KHDRBS1: variants seen among roughly 807,000 people sequenced by gnomAD.
The protein encoded by KHDRBS1 is KH domain-containing, RNA-binding, signal transduction-associated protein 1.
KHDRBS1 carries 7 observed loss-of-function variants against 48.4 expected under a neutral mutation model. The observed-to-expected ratio is 0.14, with a 90% CI of 0.08 to 0.27. The LOEUF (loss-of-function observed/expected upper bound fraction) is 0.27, where lower values mean the gene tolerates loss of function less well. KHDRBS1 is among the 10% of genes least tolerant of loss of function. The pLI is 1.00. For synonymous variants in KHDRBS1, 241 were observed against 235.8 expected (o/e 1.02, Z -0.20); for missense variants, 458 against 601.2 (o/e 0.76, Z 2.49).
chr1:32,046,186 C>CTTT (rs796185962), downstream of KHDRBS1, among the ~76,000 whole-genome samples: 3 of 140,900 alleles, frequency 2.1e-5, no homozygotes, highest in East Asian at 6.2e-4. Flanking sequence ...AAGGGTATTT[C>CTTT]TTTTTTTTTT....
rs568532115 is a variant in KHDRBS1, at chr1:32,014,247, C to T, written c.252C>T (p.Thr84=). The part of the protein sequence containing the change: ...PDATVGGPAP[T]PLLPPSATAS... ...CGACAGTGGGCGGGCCAGCGCCGAC[C>T]CCGCTGCTGCCCCCCTCGGCCACAG... Residue 84 remains threonine, a synonymous_variant, in exon 1 of 9, where the codon ACC becomes ACT. Coordinates refer to ENST00000327300, the MANE Select transcript of KHDRBS1 (RefSeq NM_006559.3). 5.7e-5 allele frequency: 87 copies of T among 1,533,220 alleles called. No homozygotes were observed. Among genetic ancestry groups the T allele is most frequent in the Non-Finnish European group, 7.1e-5 (81 of 1,138,482 alleles). The allele number at this position is 1,533,220 out of a possible 1,614,324, so 95.0% of individuals were successfully genotyped here. A position where few individuals can be genotyped will look rare whatever the true frequency, so the allele number is the denominator to read the frequency against.
chr1:32,027,530 T>C (rs1638999499), intron 1 of KHDRBS1, among the ~76,000 whole-genome samples: 1 of 152,214 alleles, frequency 6.6e-6, no homozygotes, highest in Non-Finnish European at 1.5e-5. Context: ...AAATTTGTTT[T>C]CTATTCCAAG....
At chr1:32,044,969 A>C (rs773241804), downstream of KHDRBS1, among the ~76,000 whole-genome samples, 2 of 152,250 alleles carry the variant, frequency 1.3e-5, no homozygotes, top group Non-Finnish European at 2.9e-5. Flanking sequence ...AAGAAAAACC[A>C]TATGTTGCCG....
At chr1:32,046,469 C>T (rs537456381), downstream of KHDRBS1, among the ~76,000 whole-genome samples, 2 of 152,314 alleles carry the variant, frequency 1.3e-5, no homozygotes, top group African/African-American at 4.8e-5. Flanking sequence ...CCCACCTTGG[C>T]CTCCCAAAGT....
At chr1:32,025,016 C>T (rs1557891587) in intron 1 of KHDRBS1, among the ~76,000 whole-genome samples, 1 of 151,650 alleles carries the variant, frequency 6.6e-6, no homozygotes, top group Non-Finnish European at 1.5e-5. Context: ...GCCTATAATC[C>T]CAGCACTTTG....
intron 1 of KHDRBS1, among the ~76,000 whole-genome samples, chr1:32,019,285 C>T (rs1015093944): frequency 1.3e-5 from 2 of 152,134 alleles, no homozygotes; most frequent in Non-Finnish European, 2.9e-5. Flanking sequence ...CACAGTTTCT[C>T]ACGCCTGTAA....
At chr1:32,026,437 T>G (rs1638972202) in intron 1 of KHDRBS1, among the ~76,000 whole-genome samples, 1 of 152,178 alleles carries the variant, frequency 6.6e-6, no homozygotes, top group African/African-American at 2.4e-5. Context: ...AGATTACAAG[T>G]GTGAGCCACC....
At chr1:32,050,057 C>T (rs766592485) in intron 10 of KHDRBS1, among the ~76,000 whole-genome samples, 2 of 152,176 alleles carry the variant, frequency 1.3e-5, no homozygotes, top group Non-Finnish European at 2.9e-5. Context: ...TCCATATCCT[C>T]ACCAACATTT....
chr1:32,023,728 G>A (rs1458401733), intron 1 of KHDRBS1, among the ~76,000 whole-genome samples: 1 of 152,086 alleles, frequency 6.6e-6, no homozygotes, highest in Admixed American at 6.5e-5. Context: ...GGGAAAGCAA[G>A]GACAAGGAGA....
chr1:32,050,818 C>T (rs1639410368), intron 10 of KHDRBS1, among the ~76,000 whole-genome samples: 1 of 152,060 alleles, frequency 6.6e-6, no homozygotes, highest in South Asian at 2.1e-4. Context: ...CCACACCCAG[C>T]TTTAATTCTT....
chr1:32,036,899 T>G lies in KHDRBS1; in HGVS notation c.772-11T>G. 1.9e-6 allele frequency: 3 copies of G among 1,610,026 alleles called. No individual in the cohort carries two copies. The highest frequency in any genetic ancestry group is 2.5e-6 in the Non-Finnish European group (3 of 1,177,844). ...ATACCACACAATACTCCTTGTATCT[T>G]TCGTTCCCAGGATATGATGGATGAT... On this transcript the variant is annotated splice_polypyrimidine_tract_variant and intron_variant, in intron 4 of 8. Coordinates refer to ENST00000327300, the MANE Select transcript of KHDRBS1 (RefSeq NM_006559.3).
intron 2 of KHDRBS1, 113 bp from the exon 3 acceptor site, chr1:32,031,411 G>C (rs900977113): frequency 7.8e-5 from 51 of 656,338 alleles, no homozygotes; most frequent in Non-Finnish European, 1.3e-4. Flanking sequence ...CAGTAAAATG[G>C]GAATGGTAAT....
Position 32,033,302 on chromosome 1 carries a change from G to A in KHDRBS1, c.739G>A (p.Ala247Thr). 3.1e-6 allele frequency: 5 copies of A among 1,614,144 alleles called. No homozygotes were observed. Among genetic ancestry groups the A allele is most frequent in the Non-Finnish European group, 4.2e-6 (5 of 1,179,990 alleles). ...PCEAYALMAH[A>T]MEEVKKFLVP... ...TGAGGCTTATGCTCTTATGGCCCATGCCATGGAGGAAGTCAAGAAATTTCT... is the reference window on the plus strand; with the variant it reads ...TGAGGCTTATGCTCTTATGGCCCATACCATGGAGGAAGTCAAGAAATTTCT... Residue 247 changes from alanine (A) to threonine (T), a missense_variant, in exon 4 of 9, where the codon GCC (alanine) becomes ACC (threonine). Transcript: ENST00000327300.
At chr1:32,038,670 G>T (rs1639230250) in intron 7 of KHDRBS1, 51 bp downstream of exon 7, 2 of 1,545,374 alleles carry the variant, frequency 1.3e-6, no homozygotes, top group South Asian at 2.2e-5. Flanking sequence ...TGGATGGAGG[G>T]AGTTGGAGGA....
At chr1:32,055,818 T>C (rs1033622988) in intron 10 of KHDRBS1, among the ~76,000 whole-genome samples, 1 of 151,998 alleles carries the variant, frequency 6.6e-6, no homozygotes, top group Non-Finnish European at 1.5e-5. Context: ...GACTCAACCC[T>C]TTTTGGGAAG....
At chr1:32,031,969 A>G (rs1051465808) in intron 3 of KHDRBS1, among the ~76,000 whole-genome samples, 3 of 152,226 alleles carry the variant, frequency 2.0e-5, no homozygotes, top group African/African-American at 7.2e-5. Context: ...AGTCTAAAGC[A>G]GACAAAAGAC....
intron 10 of KHDRBS1, among the ~76,000 whole-genome samples, chr1:32,057,286 TC>T (rs1639489877): frequency 6.6e-6 from 1 of 152,246 alleles, no homozygotes; most frequent in Non-Finnish European, 1.5e-5. Flanking sequence ...GCTCAAGTGA[TC>T]CTCCACCTCA....
chr1:32,037,320 C>T (rs1639202703), intron 5 of KHDRBS1, among the ~76,000 whole-genome samples: 2 of 151,832 alleles, frequency 1.3e-5, no homozygotes, highest in African/African-American at 4.8e-5. Flanking sequence ...GGTGTGGTGG[C>T]ATACACCACA....
chr1:32,018,916 C>CAA (rs2124356869), intron 1 of KHDRBS1, among the ~76,000 whole-genome samples: 1 of 152,060 alleles, frequency 6.6e-6, no homozygotes, highest in Admixed American at 6.6e-5. Flanking sequence ...ACTAAAAATA[C>CAA]AAAAGATAGC....
Sources: allele counts gnomAD v4.1 joint callset (sites outside exome capture counted in the v4.1 genomes callset), GRCh38; gene constraint gnomAD v4.1.1; transcripts MANE v1.5; gene names NCBI Gene and HGNC (gene_info 2026-07-23, HGNC 2026-07-21).